Variants in ADGRB3 observed in about 807,000 individuals in gnomAD.
The protein encoded by ADGRB3 is brain-specific angiogenesis inhibitor 3.
ADGRB3 carries 37 observed loss-of-function variants against 193.4 expected under a neutral mutation model. The observed-to-expected ratio is 0.19, with a 90% CI of 0.15 to 0.25. The LOEUF (loss-of-function observed/expected upper bound fraction) is 0.25, where lower values mean the gene tolerates loss of function less well. Ranked by LOEUF, ADGRB3 falls within the 10% of genes least tolerant of loss-of-function variation. ADGRB3 has a pLI of 1.00. For synonymous variants in ADGRB3, 690 were observed against 644.2 expected (o/e 1.07, Z -1.08); for missense variants, 1,637 against 1,852.9 (o/e 0.88, Z 2.14).
intron 17 of ADGRB3, among the ~76,000 whole-genome samples, chr6:69,133,361 T>C (rs1481292049): frequency 6.6e-6 from 1 of 152,216 alleles, no homozygotes; most frequent in Non-Finnish European, 1.5e-5. Flanking sequence ...GTTGTATTAC[T>C]AGGTATTTTA....
chr6:69,227,063 A>G (rs529689575), intron 17 of ADGRB3, among the ~76,000 whole-genome samples: 1 of 152,220 alleles, frequency 6.6e-6, no homozygotes, highest in East Asian at 1.9e-4. Flanking sequence ...CCTACTACAG[A>G]TGGGAAGTTA....
intron 20 of ADGRB3, among the ~76,000 whole-genome samples, chr6:69,289,595 C>A (rs576577414): frequency 6.6e-6 from 1 of 152,284 alleles, no homozygotes; most frequent in South Asian, 2.1e-4. Context: ...CACCTGCATG[C>A]CCATGGCACC....
intron 13 of ADGRB3, among the ~76,000 whole-genome samples, chr6:69,044,922 C>T (rs138960630): frequency 3.0e-4 from 45 of 152,162 alleles, no homozygotes; most frequent in Admixed American, 2.2e-3. Flanking sequence ...CTTCTAAACA[C>T]CCACAATGAC....
At chr6:69,155,260 C>T (rs1774802139) in intron 17 of ADGRB3, among the ~76,000 whole-genome samples, 1 of 152,180 alleles carries the variant, frequency 6.6e-6, no homozygotes, top group African/African-American at 2.4e-5. Flanking sequence ...TTCCCAGCCA[C>T]ATCTCCCCAA....
intron 3 of ADGRB3, among the ~76,000 whole-genome samples, chr6:68,711,000 TC>T (rs1765399283): frequency 6.6e-6 from 1 of 152,068 alleles, no homozygotes; most frequent in Non-Finnish European, 1.5e-5. Context: ...ACTTTCTAGT[TC>T]CCTTGATCCC....
At chr6:68,652,880 A>G (rs1173977108) in intron 3 of ADGRB3, among the ~76,000 whole-genome samples, 2 of 152,138 alleles carry the variant, frequency 1.3e-5, no homozygotes, top group Non-Finnish European at 2.9e-5. Flanking sequence ...ATAGCAACAA[A>G]AAGCTTATTA....
At chr6:69,375,205 T>C (rs1259406295) in intron 30 of ADGRB3, among the ~76,000 whole-genome samples, 2 of 152,162 alleles carry the variant, frequency 1.3e-5, no homozygotes, top group Non-Finnish European at 2.9e-5. Flanking sequence ...CTTGTTGTTG[T>C]TGCTGCTGTT....
intron 3 of ADGRB3, among the ~76,000 whole-genome samples, chr6:68,843,503 T>G (rs1768204860): frequency 6.6e-6 from 1 of 151,884 alleles, no homozygotes; most frequent in Non-Finnish European, 1.5e-5. Flanking sequence ...TATAAAACAT[T>G]GATGAAAGAA....
intron 20 of ADGRB3, among the ~76,000 whole-genome samples, chr6:69,288,067 C>T (rs926055148): frequency 1.3e-5 from 2 of 151,736 alleles, no homozygotes; most frequent in Non-Finnish European, 2.9e-5. Flanking sequence ...TTTTATTATA[C>T]TTTAAGTTCT....
chr6:68,951,537 T>C (rs1767919885), intron 6 of ADGRB3, among the ~76,000 whole-genome samples: 3 of 152,102 alleles, frequency 2.0e-5, no homozygotes. Context: ...AGCTCCCCCG[T>C]GGCGCAGTTG....
At chr6:68,772,645 T>C (rs776690761) in intron 3 of ADGRB3, among the ~76,000 whole-genome samples, 1 of 151,702 alleles carries the variant, frequency 6.6e-6, no homozygotes, top group African/African-American at 2.4e-5. Context: ...AGATTCAAGC[T>C]AAAGTATCAT....
intron 3 of ADGRB3, among the ~76,000 whole-genome samples, chr6:68,648,871 C>A (rs1186882945): frequency 6.6e-6 from 1 of 151,554 alleles, no homozygotes; most frequent in East Asian, 1.9e-4. Flanking sequence ...TAAAGAGAAT[C>A]TTTACATATC....
chr6:69,024,667 A>C (rs1464525036), intron 13 of ADGRB3, among the ~76,000 whole-genome samples: 2 of 152,250 alleles, frequency 1.3e-5, no homozygotes, highest in African/African-American at 4.8e-5. Context: ...ACCCTAACAG[A>C]TACAAGAATC....
chr6:69,029,956 A>G (rs889156136), intron 13 of ADGRB3, among the ~76,000 whole-genome samples: 1 of 143,024 alleles, frequency 7.0e-6, no homozygotes, highest in African/African-American at 2.7e-5. Context: ...ACATATATAT[A>G]TATATATGAT....
chr6:69,015,154 G>A (rs1329963595), intron 12 of ADGRB3, among the ~76,000 whole-genome samples: 2 of 151,980 alleles, frequency 1.3e-5, no homozygotes, highest in South Asian at 2.1e-4. Flanking sequence ...TTAGAATACA[G>A]CTGCAGAGGC....
chr6:68,859,396 T>G (rs1358573722), intron 3 of ADGRB3, among the ~76,000 whole-genome samples: 1 of 152,194 alleles, frequency 6.6e-6, no homozygotes, highest in Non-Finnish European at 1.5e-5. Context: ...ATCCACATTT[T>G]TGGGTATCTT....
intron 3 of ADGRB3, among the ~76,000 whole-genome samples, chr6:68,898,723 T>C (rs961066686): frequency 1.1e-4 from 17 of 152,236 alleles, no homozygotes; most frequent in African/African-American, 4.1e-4. Flanking sequence ...GTAACTAAGC[T>C]ATCAACAGGG....
intron 17 of ADGRB3, among the ~76,000 whole-genome samples, chr6:69,142,434 G>A (rs996668234): frequency 6.6e-6 from 1 of 152,172 alleles, no homozygotes. Context: ...TAGTTTAGTT[G>A]GTTAAGGCTT....
chr6:68,651,261 C>T (rs1253562740), intron 3 of ADGRB3, among the ~76,000 whole-genome samples: 2 of 152,076 alleles, frequency 1.3e-5, no homozygotes, highest in African/African-American at 4.8e-5. Flanking sequence ...TTGCAATGGC[C>T]ATTTTATTTT....
Sources: gnomAD v4.1 joint callset for allele counts (sites outside exome capture counted in the v4.1 genomes callset) on GRCh38, gnomAD v4.1.1 for gene constraint, MANE v1.5 for transcripts, NCBI Gene and HGNC (gene_info 2026-07-23, HGNC 2026-07-21) for gene names.